The following FTO variants were observed in gnomAD, a reference collection of about 807,000 sequenced individuals.
The protein encoded by FTO is FTO alpha-ketoglutarate dependent dioxygenase.
In FTO, 47 loss-of-function variants were observed where a neutral mutation model predicts 63.9. The observed-to-expected ratio is 0.74, with a 90% CI of 0.58 to 0.94. The LOEUF (loss-of-function observed/expected upper bound fraction) is 0.94, where lower values mean the gene tolerates loss of function less well. FTO is among the 40% of genes least tolerant of loss of function. The pLI is 0.00. For missense variants in FTO, 562 were observed against 618.1 expected (o/e 0.91, Z 0.96); for synonymous variants, 207 against 224.4 (o/e 0.92, Z 0.69).
At chr16:53,919,015 G>A (rs768644760) in intron 7 of FTO, among the ~76,000 whole-genome samples, 16 of 152,172 alleles carry the variant, frequency 1.1e-4, no homozygotes, top group African/African-American at 1.7e-4. Context: ...ATGAGATGAA[G>A]TTAATGAAAG....
chr16:53,953,305 C>T (rs983825381), intron 8 of FTO, among the ~76,000 whole-genome samples: 13 of 152,228 alleles, frequency 8.5e-5, no homozygotes, highest in South Asian at 2.1e-4. Flanking sequence ...GGAAAGTAAA[C>T]GTTGTCTATC....
intron 8 of FTO, among the ~76,000 whole-genome samples, chr16:54,004,205 C>T (rs1281120382): frequency 2.0e-5 from 3 of 152,022 alleles, no homozygotes; most frequent in Non-Finnish European, 2.9e-5. Flanking sequence ...TAGCATGGTA[C>T]GTCTTTAGGG....
At position 54,018,458 on chromosome 16, in the gene FTO, ATGTGTT is replaced by A. The variant is rs2084513654; in HGVS notation, c.1364+84355_1364+84360del. On this transcript the variant is annotated intron_variant, in intron 8 of 8. Transcript: ENST00000471389. ...CATACATACATACATACATTCATTC[ATGTGTT>A]TGTGTGTGTGTATGTGTGTGTTACT... 2.6e-5 allele frequency among the ~76,000 whole-genome samples: 4 copies of A among 152,068 alleles called. No homozygotes were observed. The South Asian group carries it at 8.3e-4, about 32-fold the overall frequency.
intron 5 of FTO, among the ~76,000 whole-genome samples, chr16:53,877,565 G>T (rs1043003546): frequency 2.0e-5 from 3 of 152,172 alleles, no homozygotes; most frequent in Non-Finnish European, 4.4e-5. Context: ...GGGGTTGGGG[G>T]TGACTGCCAA....
At chr16:54,048,024 A>G (rs1432216769) in intron 8 of FTO, among the ~76,000 whole-genome samples, 1 of 73,076 alleles carries the variant, frequency 1.4e-5, no homozygotes, top group Non-Finnish European at 2.3e-5. Flanking sequence ...ATGACACGTT[A>G]GTGGGTGCAG....
At chr16:53,789,636 T>G (rs938534027) in intron 1 of FTO, among the ~76,000 whole-genome samples, 1 of 152,122 alleles carries the variant, frequency 6.6e-6, no homozygotes, top group African/African-American at 2.4e-5. Context: ...TGTTTTGATG[T>G]TTTTCCCCCA....
intron 1 of FTO, among the ~76,000 whole-genome samples, chr16:53,732,712 G>T (rs1011677964): frequency 5.3e-5 from 8 of 152,118 alleles, no homozygotes; most frequent in Non-Finnish European, 2.9e-5. Flanking sequence ...CATTGTTACC[G>T]CTCATAATAA....
intron 1 of FTO, among the ~76,000 whole-genome samples, chr16:53,726,533 T>TA (rs1183778014): frequency 6.6e-6 from 1 of 152,220 alleles, no homozygotes; most frequent in Non-Finnish European, 1.5e-5. Flanking sequence ...GCTGAGGAGT[T>TA]ATGCTTAACG....
chr16:53,900,852 G>T (rs552447938), intron 7 of FTO, among the ~76,000 whole-genome samples: 1 of 152,160 alleles, frequency 6.6e-6, no homozygotes, highest in South Asian at 2.1e-4. Context: ...AGACCTGCTC[G>T]CAAACTTGAT....
Position 54,112,156 on chromosome 16 carries a change from T to C in FTO, c.*241T>C, listed in dbSNP as rs2086906096. 7.6e-6 allele frequency: 4 copies of C among 527,438 alleles called. No individual in the cohort carries two copies. In the Admixed American group the frequency reaches 9.4e-5, roughly 12 times the overall value. 32.7% of individuals were successfully genotyped at this position (527,438 alleles called of 1,614,324 possible). On this transcript the variant is annotated 3_prime_UTR_variant, in exon 9 of 9. Transcript: ENST00000471389. ...TCTTCCCCCAAAATTGTTCAGATTATAAAATGTGAGCCATTCAGCCCCCAA... is the reference window on the plus strand; with the variant it reads ...TCTTCCCCCAAAATTGTTCAGATTACAAAATGTGAGCCATTCAGCCCCCAA...
intron 1 of FTO, among the ~76,000 whole-genome samples, chr16:53,806,448 C>T (rs1236862788): frequency 6.6e-6 from 1 of 152,158 alleles, no homozygotes; most frequent in African/African-American, 2.4e-5. Flanking sequence ...GTCATTTATC[C>T]TTTGTGTTTC....
chr16:53,796,801 G>A (rs1385284112), intron 1 of FTO, among the ~76,000 whole-genome samples: 2 of 152,026 alleles, frequency 1.3e-5, no homozygotes, highest in Non-Finnish European at 2.9e-5. Flanking sequence ...AGTTTTATTG[G>A]GGTATAATTG....
rs760665708 is a variant in FTO, at chr16:53,826,459, C to G, written c.719C>G (p.Ser240Ter). ...WHHDENLVDRSAVAVYSYSCE... is the reference protein window; with the variant it reads ...WHHDENLVDR ...CATGATGAAAATCTGGTGGACAGGT[C>G]AGCGGTGGCAGTGTACAGTTATAGC... is the stretch of plus-strand genomic sequence containing the variant. The change falls in exon 3 of 9, where the codon TCA becomes TGA. Residue 240 changes from serine (S) to a stop codon, truncating the protein, a stop_gained. Transcript: ENST00000471389. LOFTEE classifies it high-confidence loss of function. 1 of 1,614,118 alleles carries G rather than the reference C, an allele frequency of 6.2e-7. No individual in the cohort carries two copies. The highest frequency in any genetic ancestry group is 8.5e-7 in the Non-Finnish European group (1 of 1,180,008).
At chr16:53,859,175 C>G (rs1317685509) in intron 4 of FTO, among the ~76,000 whole-genome samples, 1 of 152,128 alleles carries the variant, frequency 6.6e-6, no homozygotes. Flanking sequence ...GAGCCCATCA[C>G]TTCTGCCCAC....
intron 8 of FTO, among the ~76,000 whole-genome samples, chr16:53,987,984 C>T (rs574388036): frequency 2.6e-5 from 4 of 152,248 alleles, no homozygotes; most frequent in Non-Finnish European, 4.4e-5. Flanking sequence ...TTTGTGTGTA[C>T]AATGGGGATT....
intron 1 of FTO, among the ~76,000 whole-genome samples, chr16:53,770,714 C>G (rs2077313420): frequency 6.6e-6 from 1 of 152,026 alleles, no homozygotes; most frequent in South Asian, 2.1e-4. Context: ...ATGAATGATA[C>G]TGCATTGAAT....
intron 8 of FTO, among the ~76,000 whole-genome samples, chr16:53,994,869 G>T (rs1466838183): frequency 6.6e-6 from 1 of 151,902 alleles, no homozygotes. Flanking sequence ...GAGTAGCTGG[G>T]TTTACAGGTG....
chr16:54,095,993 C>A (rs2086507181), intron 8 of FTO, among the ~76,000 whole-genome samples: 1 of 152,230 alleles, frequency 6.6e-6, no homozygotes. Context: ...CAGTTTATAA[C>A]CGATACATGT....
At chr16:53,974,518 T>C (rs1478166271) in intron 8 of FTO, among the ~76,000 whole-genome samples, 7 of 152,216 alleles carry the variant, frequency 4.6e-5, no homozygotes, top group African/African-American at 1.7e-4. Context: ...GTTTCTGTTG[T>C]GTGTGACAAG....
Sources: allele counts gnomAD v4.1 joint callset (sites outside exome capture counted in the v4.1 genomes callset), GRCh38; gene constraint gnomAD v4.1.1; transcripts MANE v1.5; gene names NCBI Gene and HGNC (gene_info 2026-07-23, HGNC 2026-07-21).